Variants in TACR3 observed in about 807,000 individuals in gnomAD.
TACR3 encodes neuromedin-K receptor.
In TACR3, 34 loss-of-function variants were observed where a neutral mutation model predicts 35.0. The observed-to-expected ratio is 0.97, with a 90% CI of 0.74 to 1.30. The LOEUF is 1.30. Ranked by LOEUF, TACR3 falls within the 50% of genes most tolerant of loss-of-function variation. TACR3 has a pLI of 0.00. For missense variants in TACR3, 558 were observed against 591.7 expected (o/e 0.94, Z 0.59); for synonymous variants, 233 against 221.1 (o/e 1.05, Z -0.48).
At position 103,588,135 on chromosome 4, in the gene TACR3, A is replaced by T. The variant is rs1285053594; in HGVS notation, c.*1547T>A. 1 of 152,140 alleles carries T rather than the reference A, an allele frequency of 6.6e-6. No homozygotes were observed. Among genetic ancestry groups the T allele is most frequent in the East Asian group, 1.9e-4 (1 of 5,202 alleles). 9.4% of individuals were successfully genotyped at this position (152,140 alleles called of 1,614,324 possible). On this transcript the variant is annotated 3_prime_UTR_variant, in exon 5 of 5. Transcript: ENST00000304883. ...AAAATAGGGAAGAGATTTGAGAAAT[A>T]GACCATGATTTGCCATTGAATATTT... is the stretch of plus-strand genomic sequence containing the variant.
intron 3 of TACR3, among the ~76,000 whole-genome samples, chr4:103,603,978 T>C (rs181636076): frequency 2.0e-4 from 30 of 152,324 alleles, no homozygotes; most frequent in African/African-American, 7.2e-4. Context: ...AAGTAATTTA[T>C]AGATTCAATG....
intron 3 of TACR3, among the ~76,000 whole-genome samples, chr4:103,618,927 T>C (rs1004842527): frequency 6.6e-6 from 1 of 152,164 alleles, no homozygotes; most frequent in Admixed American, 6.6e-5. Context: ...GCTATTGATT[T>C]TTGTACGTTG....
intron 1 of TACR3, among the ~76,000 whole-genome samples, chr4:103,700,882 A>G (rs1055815550): frequency 6.6e-6 from 1 of 152,188 alleles, no homozygotes; most frequent in African/African-American, 2.4e-5. Context: ...TAAATTAGGT[A>G]TTGATGGGAC....
At position 103,587,351 on chromosome 4, in the gene TACR3, A is replaced by G. The variant is rs1277267693; in HGVS notation, c.*2331T>C. The G allele has an allele frequency of 6.6e-6, 1 of 152,092 alleles. No homozygotes were observed. Among genetic ancestry groups the G allele is most frequent in the Non-Finnish European group, 1.5e-5 (1 of 67,996 alleles). 9.4% of individuals were successfully genotyped at this position (152,092 alleles called of 1,614,324 possible). Reference sequence around the variant, plus strand: ...CCATGAGTAGTGAGTGAATGATGCCAGTTTTTTTCTGGAAAGCATTGAAAA... The same window carrying G: ...CCATGAGTAGTGAGTGAATGATGCCGGTTTTTTTCTGGAAAGCATTGAAAA... On this transcript the variant is annotated 3_prime_UTR_variant, in exon 5 of 5. Transcript: ENST00000304883.
chr4:103,684,070 A>G (rs1485962568), intron 1 of TACR3, among the ~76,000 whole-genome samples: 1 of 152,138 alleles, frequency 6.6e-6, no homozygotes, highest in Admixed American at 6.6e-5. Flanking sequence ...ATAGAAGACA[A>G]TGTCCTAAAT....
chr4:103,663,965 T>C (rs3796957), intron 1 of TACR3, among the ~76,000 whole-genome samples: 64,553 of 152,102 alleles, frequency 0.42, 16,272 homozygotes, highest in African/African-American at 0.72. Flanking sequence ...GGATTTTTGC[T>C]GAGCTTCTCA....
At chr4:103,708,373 A>G (rs1017873811) in intron 1 of TACR3, among the ~76,000 whole-genome samples, 1 of 152,156 alleles carries the variant, frequency 6.6e-6, no homozygotes, top group Non-Finnish European at 1.5e-5. Context: ...TGCAGCCTCC[A>G]CTGCTGATAC....
At chr4:103,638,776 A>G (rs374468548) in intron 3 of TACR3, among the ~76,000 whole-genome samples, 5 of 152,100 alleles carry the variant, frequency 3.3e-5, no homozygotes, top group East Asian at 1.9e-4. Context: ...AAAAGTGGGC[A>G]AAGGATATGA....
intron 1 of TACR3, among the ~76,000 whole-genome samples, chr4:103,716,913 G>A (rs1371440789): frequency 6.6e-6 from 1 of 152,188 alleles, no homozygotes; most frequent in East Asian, 1.9e-4. Flanking sequence ...AAATGAGTCA[G>A]TAAGTCCATG....
intron 1 of TACR3, among the ~76,000 whole-genome samples, chr4:103,701,605 C>A (rs1722649774): frequency 6.6e-6 from 1 of 152,060 alleles, no homozygotes; most frequent in African/African-American, 2.4e-5. Flanking sequence ...AATCCTAAGC[C>A]AAAAGAACAA....
chr4:103,672,027 G>A (rs961839604), intron 1 of TACR3, among the ~76,000 whole-genome samples: 2 of 152,074 alleles, frequency 1.3e-5, no homozygotes, highest in African/African-American at 2.4e-5. Context: ...TTTCAACAAT[G>A]TTCACAGTAT....
intron 1 of TACR3, among the ~76,000 whole-genome samples, chr4:103,713,648 C>T (rs1026460206): frequency 6.6e-6 from 1 of 151,440 alleles, no homozygotes; most frequent in African/African-American, 2.4e-5. Context: ...AAAAAAAAGA[C>T]AGAAAATCAA....
At chr4:103,684,386 G>A (rs918380536) in intron 1 of TACR3, among the ~76,000 whole-genome samples, 1 of 152,068 alleles carries the variant, frequency 6.6e-6, no homozygotes, top group African/African-American at 2.4e-5. Flanking sequence ...ACAGGTTCAA[G>A]TGACAAAATC....
chr4:103,704,105 C>CAAAAAAAAAAAAAAAAAAAAAAAAAAA (rs59034473), intron 1 of TACR3, among the ~76,000 whole-genome samples: 1 of 64,612 alleles, frequency 1.5e-5, no homozygotes, highest in Non-Finnish European at 2.8e-5. Flanking sequence ...CTCTATCTCA[C>CAAAAAAAAAAAAAAAAAAAAAAAAAAA]AAAAAAAAAA....
At chr4:103,628,037 G>A (rs975518136) in intron 3 of TACR3, among the ~76,000 whole-genome samples, 15 of 152,120 alleles carry the variant, frequency 9.9e-5, no homozygotes, top group African/African-American at 3.4e-4. Flanking sequence ...ACTTGCTCCC[G>A]AATGACTACT....
Position 103,588,615 on chromosome 4 carries a change from T to C in TACR3, c.*1067A>G, listed in dbSNP as rs775689329. ...TGCTCAGCTGTTATTAGTTTACATG[T>C]ATCCAAACTATTGTGCAGATTCGTT... On this transcript the variant is annotated 3_prime_UTR_variant, in exon 5 of 5. Coordinates refer to ENST00000304883, the MANE Select transcript of TACR3 (RefSeq NM_001059.3). 1 of 152,126 alleles carries C rather than the reference T, an allele frequency of 6.6e-6. No homozygotes were observed. The highest frequency in any genetic ancestry group is 1.5e-5 in the Non-Finnish European group (1 of 67,966). 9.4% of individuals were successfully genotyped at this position (152,126 alleles called of 1,614,324 possible).
At chr4:103,654,982 T>A (rs1018113477) in intron 3 of TACR3, among the ~76,000 whole-genome samples, 6 of 152,166 alleles carry the variant, frequency 3.9e-5, no homozygotes, top group African/African-American at 1.4e-4. Context: ...CAGAGGCCAT[T>A]TGGTTGTTTG....
chr4:103,596,602 TA>T (rs1724025300), intron 3 of TACR3, among the ~76,000 whole-genome samples: 1 of 152,138 alleles, frequency 6.6e-6, no homozygotes, highest in Admixed American at 6.6e-5. Context: ...ATCCTTTTTT[TA>T]AAATTTTATT....
chr4:103,708,348 C>T (rs1722847815), intron 1 of TACR3, among the ~76,000 whole-genome samples: 1 of 152,168 alleles, frequency 6.6e-6, no homozygotes, highest in South Asian at 2.1e-4. Flanking sequence ...TGCTGTTCAA[C>T]AATATTTGCT....
Sources: gnomAD v4.1 joint callset for allele counts (sites outside exome capture counted in the v4.1 genomes callset) on GRCh38, gnomAD v4.1.1 for gene constraint, MANE v1.5 for transcripts, NCBI Gene and HGNC (gene_info 2026-07-23, HGNC 2026-07-21) for gene names.